DISC1: variants seen among roughly 807,000 people sequenced by gnomAD.
The protein encoded by DISC1 is DISC1 scaffold protein.
A neutral mutation model predicts 84.5 loss-of-function variants in DISC1; 57 were observed. The observed-to-expected ratio is 0.67, with a 90% confidence interval of 0.55 to 0.84. The LOEUF (loss-of-function observed/expected upper bound fraction) is 0.84. Ranked by LOEUF, DISC1 falls within the 40% of genes least tolerant of loss-of-function variation. DISC1 has a pLI of 0.00. For synonymous variants in DISC1, 411 were observed against 415.2 expected (o/e 0.99, Z 0.12); for missense variants, 1,000 against 1,057.8 (o/e 0.95, Z 0.76).
At chr1:231,626,978 C>A in intron 1 of DISC1, 44 bp downstream of exon 1, 6 of 1,382,096 alleles carry the variant, frequency 4.3e-6, no homozygotes, top group Non-Finnish European at 5.7e-6. Context: ...TGGGGGGGTC[C>A]TGGCAAGGAG....
At chr1:231,989,239 T>C (rs1342859865) in intron 10 of DISC1, among the ~76,000 whole-genome samples, 2 of 152,198 alleles carry the variant, frequency 1.3e-5, no homozygotes, top group Non-Finnish European at 2.9e-5. Flanking sequence ...ACAGATGAGA[T>C]GGAGAAAATA....
intron 5 of DISC1, among the ~76,000 whole-genome samples, chr1:231,768,281 A>C (rs1435525133): frequency 6.6e-6 from 1 of 152,148 alleles, no homozygotes; most frequent in Non-Finnish European, 1.5e-5. Context: ...CCAAGTTCAA[A>C]TCCTGGCTTA....
chr1:231,856,700 C>T (rs573102120), intron 9 of DISC1, among the ~76,000 whole-genome samples: 1 of 152,158 alleles, frequency 6.6e-6, no homozygotes, highest in Non-Finnish European at 1.5e-5. Flanking sequence ...GAACTGAAGT[C>T]ATGGTATTTT....
intron 6 of DISC1, among the ~76,000 whole-genome samples, chr1:231,791,951 T>C (rs111789506): frequency 4.5e-4 from 69 of 152,178 alleles, no homozygotes; most frequent in Non-Finnish European, 8.2e-4. Context: ...AAAAGCAGAT[T>C]CCCTGTTATC....
chr1:231,817,656 T>C (rs1212428369), intron 8 of DISC1, among the ~76,000 whole-genome samples: 1 of 152,066 alleles, frequency 6.6e-6, no homozygotes, highest in East Asian at 1.9e-4. Context: ...ATTTTGTAAA[T>C]TGTATTTTTT....
At chr1:231,960,769 C>A (rs1660280540) in intron 10 of DISC1, among the ~76,000 whole-genome samples, 1 of 152,196 alleles carries the variant, frequency 6.6e-6, no homozygotes, top group Admixed American at 6.5e-5. Flanking sequence ...TACCTGGAGA[C>A]AGCATCAGAT....
At position 231,823,315 on chromosome 1, in the gene DISC1, G is replaced by A. The variant is rs199685577; in HGVS notation, c.1981+4798G>A. On this transcript the variant is annotated intron_variant, in intron 9 of 12. Transcript: ENST00000439617. ...AGGGAGAGGGAGGAAATGGAGAGCC[G>A]GGACAATACATACAACAAAGATAAA... 2.0e-4 allele frequency among the ~76,000 whole-genome samples: 30 copies of A among 152,080 alleles called. No individual in the cohort carries two copies. In the East Asian group the frequency reaches 5.4e-3, roughly 27 times the overall value.
At position 232,038,646 on chromosome 1, in the gene DISC1, GA is replaced by G; in HGVS notation, c.*1817del. ...ATTGTACAGCACTGCATTCTCTGAG[GA>G]AGTCCCAGTCCAAACTCTGATTTAC... On this transcript the variant is annotated 3_prime_UTR_variant, in exon 13 of 13. Coordinates refer to ENST00000439617, the MANE Select transcript of DISC1 (RefSeq NM_018662.3). The G allele has an allele frequency of 6.6e-6, 1 of 152,134 alleles. No individual in the cohort carries two copies. Among genetic ancestry groups the G allele is most frequent in the Non-Finnish European group, 1.5e-5 (1 of 68,006 alleles). The allele number at this position is 152,134 out of a possible 1,614,324, so 9.4% of individuals were successfully genotyped here.
intron 6 of DISC1, among the ~76,000 whole-genome samples, chr1:231,794,982 C>T (rs2078645125): frequency 6.6e-6 from 1 of 152,052 alleles, no homozygotes; most frequent in African/African-American, 2.4e-5. Flanking sequence ...GCTGTTCTTC[C>T]CGTTATCAGT....
rs887322944 is a variant in DISC1 at position 231,723,381 on chromosome 1, C to T, written c.1117+21357C>T. ...CTGTAAACTCAGGTCTGTGGAACGG[C>T]GATGATCTTCTTCCCTTGCTTCCAG... On this transcript the variant is annotated intron_variant, in intron 3 of 12. Transcript: ENST00000439617. 23 of 985,526 alleles carry T rather than the reference C, an allele frequency of 2.3e-5. No homozygotes were observed. In the African/African-American group the frequency reaches 3.1e-4, roughly 13 times the overall value. 61.0% of individuals were successfully genotyped at this position (985,526 alleles called of 1,614,324 possible).
chr1:232,013,871 G>T (rs974761827), intron 11 of DISC1, among the ~76,000 whole-genome samples: 3 of 152,160 alleles, frequency 2.0e-5, no homozygotes, highest in Non-Finnish European at 2.9e-5. Context: ...TAGTTTCTAA[G>T]ACTGGCTTTG....
At chr1:231,688,065 GGTCAGTT>G (rs1389872138) in intron 1 of DISC1, among the ~76,000 whole-genome samples, 1 of 152,242 alleles carries the variant, frequency 6.6e-6, no homozygotes, top group East Asian at 1.9e-4. Flanking sequence ...TGTCAGAAAT[GGTCAGTT>G]AGCAAAGTAA....
intron 10 of DISC1, among the ~76,000 whole-genome samples, chr1:231,972,346 C>T (rs1024344522): frequency 1.3e-5 from 2 of 152,164 alleles, no homozygotes; most frequent in South Asian, 2.1e-4. Flanking sequence ...GGGGCAGGGG[C>T]TCACCTGGAG....
At chr1:231,767,409 A>C (rs1170373544) in intron 5 of DISC1, 140 bp downstream of exon 5, 1 of 1,297,056 alleles carries the variant, frequency 7.7e-7, no homozygotes, top group East Asian at 2.5e-5. Context: ...TGATTCTCCC[A>C]CCTCAGCCTC....
At chr1:231,824,893 TCCATCCATCCATCCATCCAC>T (rs1238178715) in intron 9 of DISC1, among the ~76,000 whole-genome samples, 57 of 144,312 alleles carry the variant, frequency 3.9e-4, no homozygotes, top group African/African-American at 1.6e-3. Context: ...CATCCATCCA[TCCATCCATCCATCCATCCAC>T]CCATCCATCC....
chr1:231,951,962 AG>A (rs1658452878), intron 9 of DISC1, among the ~76,000 whole-genome samples: 1 of 151,938 alleles, frequency 6.6e-6, no homozygotes, highest in African/African-American at 2.4e-5. Context: ...CAGCTATTCA[AG>A]TCTCAGCTGT....
intron 9 of DISC1, among the ~76,000 whole-genome samples, chr1:231,937,060 C>T (rs796864390): frequency 2.0e-4 from 30 of 152,318 alleles, no homozygotes; most frequent in African/African-American, 7.2e-4. Flanking sequence ...AAAGATACTA[C>T]AATCCTTCAA....
At position 231,942,819 on chromosome 1, in the gene DISC1, G is replaced by A. The variant is rs144561378; in HGVS notation, c.1982-16009G>A. ...CATAGGTCCTTGTGCTGAGCACCGG[G>A]CATTGCCTCCTTCCTGCTTCTACCA... On this transcript the variant is annotated intron_variant, in intron 9 of 12. Transcript: ENST00000439617. 3.1e-3 allele frequency among the ~76,000 whole-genome samples: 479 copies of A among 152,378 alleles called. 3 individuals are homozygous for A. The highest frequency in any genetic ancestry group is 0.011 in the African/African-American group (455 of 41,594).
chr1:231,747,630 T>C (rs1032369703), intron 3 of DISC1, among the ~76,000 whole-genome samples: 3 of 152,234 alleles, frequency 2.0e-5, no homozygotes, highest in Non-Finnish European at 4.4e-5. Flanking sequence ...TGTATCTAAT[T>C]TTATGCCAGT....
Sources: gnomAD v4.1 joint callset for allele counts (sites outside exome capture counted in the v4.1 genomes callset) on GRCh38, gnomAD v4.1.1 for gene constraint, MANE v1.5 for transcripts, NCBI Gene and HGNC (gene_info 2026-07-23, HGNC 2026-07-21) for gene names.